SUGCT: variants seen among roughly 807,000 people sequenced by gnomAD.
The protein encoded by SUGCT is succinyl-CoA:glutarate-CoA transferase.
SUGCT carries 41 observed loss-of-function variants against 55.0 expected under a neutral mutation model. The ratio of observed to expected loss-of-function variants is 0.74; its 90% CI spans 0.58 to 0.97. The LOEUF is 0.97. Ranked by LOEUF, SUGCT falls within the 50% of genes least tolerant of loss-of-function variation. The pLI is 0.00. For missense variants in SUGCT, 568 were observed against 547.8 expected, an observed-to-expected ratio of 1.04 and a Z score of -0.37; for synonymous variants, 187 against 200.4, an observed-to-expected ratio of 0.93 and a Z score of 0.56.
intron 9 of SUGCT, among the ~76,000 whole-genome samples, chr7:40,361,773 G>C (rs926213533): frequency 5.3e-5 from 8 of 152,028 alleles, no homozygotes; most frequent in African/African-American, 1.9e-4. Context: ...CTGGCATAAA[G>C]ATAGCAATTG....
intron 8 of SUGCT, among the ~76,000 whole-genome samples, chr7:40,300,687 G>A (rs1397042832): frequency 6.6e-6 from 1 of 152,208 alleles, no homozygotes; most frequent in Non-Finnish European, 1.5e-5. Context: ...TCGGGGTGAT[G>A]CTGAAAAGCC....
At chr7:40,359,390 C>T (rs964193049) in intron 9 of SUGCT, among the ~76,000 whole-genome samples, 3 of 151,956 alleles carry the variant, frequency 2.0e-5, no homozygotes, top group Admixed American at 6.6e-5. Context: ...TTTTTAGTAC[C>T]GACAGGATTT....
intron 12 of SUGCT, among the ~76,000 whole-genome samples, chr7:40,569,914 T>G (rs1229650146): frequency 2.0e-5 from 3 of 152,152 alleles, no homozygotes; most frequent in African/African-American, 7.2e-5. Context: ...TAGGCAAAAA[T>G]TTATGCGATT....
intron 12 of SUGCT, among the ~76,000 whole-genome samples, chr7:40,634,894 C>G (rs1243851444): frequency 5.3e-5 from 8 of 152,100 alleles, no homozygotes; most frequent in Middle Eastern, 3.2e-3. Context: ...CATCACAAAT[C>G]TTGTAAATAA....
At chr7:40,726,690 C>T (rs1272836158) in intron 12 of SUGCT, among the ~76,000 whole-genome samples, 3 of 152,084 alleles carry the variant, frequency 2.0e-5, no homozygotes, top group Admixed American at 6.5e-5. Flanking sequence ...GCTGAGGCGC[C>T]GCAACCGAAT....
chr7:40,657,173 A>G (rs1208432393), intron 12 of SUGCT, among the ~76,000 whole-genome samples: 1 of 152,192 alleles, frequency 6.6e-6, no homozygotes, highest in Non-Finnish European at 1.5e-5. Context: ...AAAGCTATAA[A>G]TCAAATTTCC....
intron 1 of SUGCT, chr7:40,152,645 A>G: frequency 5.4e-6 from 1 of 186,432 alleles, no homozygotes; most frequent in East Asian, 1.3e-4. Context: ...AAGGATTTTG[A>G]AGACTTGGCT....
chr7:40,316,847 C>A lies in SUGCT; in HGVS notation c.808C>A (p.Pro270Thr). The A allele has an allele frequency of 3.2e-6, 5 of 1,579,756 alleles. No individual in the cohort carries two copies. Among genetic ancestry groups the A allele is most frequent in the Non-Finnish European group, 3.5e-6 (4 of 1,159,262 alleles). Residue 270 changes from proline (P) to threonine (T), a missense_variant, in exon 9 of 14, where the codon CCT becomes ACT. Coordinates refer to ENST00000335693, the MANE Select transcript of SUGCT (RefSeq NM_001193313.2). ...GGGTACAGCTCATGGCAGTATCGTT[C>A]CTTACCAGGTAAGACTACAGCAGTC... is the stretch of plus-strand genomic sequence containing the variant. ...RWGTAHGSIV[P>T]YQAFKTKDGY...
chr7:40,280,271 AT>A (rs1361307110), intron 8 of SUGCT, among the ~76,000 whole-genome samples: 3 of 152,194 alleles, frequency 2.0e-5, no homozygotes, highest in East Asian at 3.9e-4. Context: ...AATTCTTTTG[AT>A]TTTTTTGTCT....
At chr7:40,626,860 A>G (rs1799551344) in intron 12 of SUGCT, among the ~76,000 whole-genome samples, 1 of 152,188 alleles carries the variant, frequency 6.6e-6, no homozygotes, top group Non-Finnish European at 1.5e-5. Context: ...TGCTCAATAA[A>G]TACTAGTTCC....
intron 1 of SUGCT, among the ~76,000 whole-genome samples, chr7:40,148,635 A>G (rs191227637): frequency 1.1e-3 from 165 of 152,226 alleles, no homozygotes; most frequent in Admixed American, 2.0e-3. Context: ...CAAGAGCAAA[A>G]CTTCATCTCA....
chr7:40,855,801 G>A (rs963068297), intron 13 of SUGCT, among the ~76,000 whole-genome samples: 2 of 152,188 alleles, frequency 1.3e-5, no homozygotes, highest in Admixed American at 6.5e-5. Flanking sequence ...CCCCTCAAAT[G>A]TTGGAGTATC....
At position 40,843,840 on chromosome 7, in the gene SUGCT, T is replaced by C. The variant is rs550456021; in HGVS notation, c.1154-16476T>C. Among the ~76,000 whole-genome samples, 3 of 152,244 alleles carry C rather than the reference T, an allele frequency of 2.0e-5. No homozygotes were observed. In the East Asian group the frequency reaches 5.8e-4, roughly 29 times the overall value. On this transcript the variant is annotated intron_variant, in intron 13 of 13. Transcript: ENST00000335693. ...AGCAGAGGAATGACATGACTGGACTTGTTTTTAAAGGGTGACTCCAGCTGC... is the reference window on the plus strand; with the variant it reads ...AGCAGAGGAATGACATGACTGGACTCGTTTTTAAAGGGTGACTCCAGCTGC...
intron 13 of SUGCT, among the ~76,000 whole-genome samples, chr7:40,836,682 T>C (rs1240647130): frequency 6.6e-6 from 1 of 152,246 alleles, no homozygotes; most frequent in East Asian, 1.9e-4. Context: ...ATTTCAAGAA[T>C]GTTGTATAAA....
chr7:40,738,279 A>G (rs1787285284), intron 12 of SUGCT, among the ~76,000 whole-genome samples: 1 of 152,036 alleles, frequency 6.6e-6, no homozygotes, highest in Non-Finnish European at 1.5e-5. Flanking sequence ...AACAATCTCA[A>G]TCAATCTCAA....
intron 8 of SUGCT, among the ~76,000 whole-genome samples, chr7:40,306,746 A>G (rs1334869898): frequency 6.6e-6 from 1 of 152,202 alleles, no homozygotes; most frequent in Non-Finnish European, 1.5e-5. Flanking sequence ...GTTTTTCTAC[A>G]TTTCCACTTA....
At chr7:40,847,275 G>C (rs1036591087) in intron 13 of SUGCT, among the ~76,000 whole-genome samples, 3 of 152,116 alleles carry the variant, frequency 2.0e-5, no homozygotes, top group African/African-American at 7.2e-5. Context: ...TCCATCATGG[G>C]TTGACAGGTA....
At chr7:40,540,691 G>T (rs138910917) in intron 12 of SUGCT, among the ~76,000 whole-genome samples, 2 of 152,380 alleles carry the variant, frequency 1.3e-5, no homozygotes, top group Non-Finnish European at 2.9e-5. Context: ...AGGCAGAACT[G>T]CCAGGCTGAC....
Position 40,638,723 on chromosome 7 carries a change from G to T in SUGCT, c.1090-110711G>T, listed in dbSNP as rs530631770. ...GGAGCAGGGTGTATATTAGGAAAATGATGTAGTAGGGATGCAATGCCTGTG... is the reference window on the plus strand; with the variant it reads ...GGAGCAGGGTGTATATTAGGAAAATTATGTAGTAGGGATGCAATGCCTGTG... On this transcript the variant is annotated intron_variant, in intron 12 of 13. Transcript: ENST00000335693. 1.4e-4 allele frequency among the ~76,000 whole-genome samples: 22 copies of T among 152,234 alleles called. No homozygotes were observed. In the South Asian group the frequency reaches 3.9e-3, roughly 27 times the overall value.
Sources: gnomAD v4.1 joint callset for allele counts (sites outside exome capture counted in the v4.1 genomes callset) on GRCh38, gnomAD v4.1.1 for gene constraint, MANE v1.5 for transcripts, NCBI Gene and HGNC (gene_info 2026-07-23, HGNC 2026-07-21) for gene names.